PDE4B: variants seen among roughly 807,000 people sequenced by gnomAD.
PDE4B encodes the protein phosphodiesterase 4B.
In PDE4B, 20 loss-of-function variants were observed where a neutral mutation model predicts 82.2. The ratio of observed to expected loss-of-function variants is 0.24; its 90% confidence interval spans 0.17 to 0.35. PDE4B has a LOEUF of 0.35. PDE4B is among the 10% of genes least tolerant of loss of function. The probability of loss-of-function intolerance (pLI) is 1.00; values close to 1 mark genes in which losing one functional copy is unlikely to be tolerated. For synonymous variants in PDE4B, 320 were observed against 318.9 expected (o/e 1.00, Z -0.04); for missense variants, 655 against 907.2 (o/e 0.72, Z 3.57).
chr1:66,049,670 C>A (rs1211457778), intron 3 of PDE4B, among the ~76,000 whole-genome samples: 1 of 151,958 alleles, frequency 6.6e-6, no homozygotes, highest in African/African-American at 2.4e-5. Context: ...CCTAAATAAT[C>A]CTTCAAGAGA....
chr1:66,319,369 G>A (rs1209579348), intron 7 of PDE4B, among the ~76,000 whole-genome samples: 1 of 152,142 alleles, frequency 6.6e-6, no homozygotes, highest in East Asian at 1.9e-4. Context: ...AGATAAAATT[G>A]AGGGATAAAT....
rs1475990485 is a variant in PDE4B at position 65,918,619 on chromosome 1, G to A, written c.65G>A (p.Cys22Tyr). The stretch of plus-strand genomic sequence containing the variant: ...CAGAATGTTAAAGATTATTTTGAAT[G>A]TAGCTTGAGTAAATCCTACAGTTCT... ...ADDNVKDYFE[C>Y]SLSKSYSSSS... The change falls in exon 3 of 17, where the codon TGT becomes TAT. Residue 22 changes from cysteine to tyrosine, a missense_variant. By Grantham distance (194) the Cys-to-Tyr change is radical. Around this residue, in one of 3 missense-constraint regions of PDE4B, gnomAD observed 253 missense variants for 275.6 expected, o/e 0.92. Coordinates refer to ENST00000341517, the MANE Select transcript of PDE4B (RefSeq NM_002600.4). 4.4e-6 allele frequency: 7 copies of A among 1,604,308 alleles called. No individual in the cohort carries two copies. In the South Asian group the frequency reaches 7.7e-5, roughly 18 times the overall value.
At chr1:66,046,273 G>C (rs903536994) in intron 3 of PDE4B, 16 of 151,688 alleles carry the variant, frequency 1.1e-4, no homozygotes, top group African/African-American at 3.1e-4. Flanking sequence ...TGAAAATAAA[G>C]TAAAATTATT....
chr1:66,096,491 G>A (rs893092304), intron 3 of PDE4B, among the ~76,000 whole-genome samples: 1 of 50,542 alleles, frequency 2.0e-5, no homozygotes, highest in Non-Finnish European at 4.3e-5. Flanking sequence ...AATTAAATGC[G>A]GTATAAGTAA....
At chr1:65,930,714 C>T (rs908312643) in intron 3 of PDE4B, among the ~76,000 whole-genome samples, 1 of 152,206 alleles carries the variant, frequency 6.6e-6, no homozygotes. Flanking sequence ...TGACTATACC[C>T]CCATTGTATC....
chr1:66,131,638 T>TATATATATATA (rs1553149837), intron 3 of PDE4B, among the ~76,000 whole-genome samples: 1,381 of 120,056 alleles, frequency 0.012, 2 homozygotes, highest in Non-Finnish European at 0.016. Context: ...TATATATATA[T>TATATATATATA]TACTAACCAG....
chr1:65,960,458 A>G (rs1190743203), intron 3 of PDE4B, among the ~76,000 whole-genome samples: 1 of 152,106 alleles, frequency 6.6e-6, no homozygotes, highest in Non-Finnish European at 1.5e-5. Context: ...ATTCTTGGCC[A>G]AGGAATGTAT....
chr1:65,957,667 T>A (rs574150908), intron 3 of PDE4B, among the ~76,000 whole-genome samples: 1 of 152,256 alleles, frequency 6.6e-6, no homozygotes, highest in South Asian at 2.1e-4. Flanking sequence ...TTCCTATCTA[T>A]TAACATTCTG....
At chr1:66,101,028 G>C (rs148010133) in intron 3 of PDE4B, among the ~76,000 whole-genome samples, 1,918 of 152,094 alleles carry the variant, frequency 0.013, 47 homozygotes, top group African/African-American at 0.045. Context: ...TCCCCTTCCA[G>C]TGTCCAAGTG....
At position 66,045,149 on chromosome 1, in the gene PDE4B, T is replaced by C. The variant is rs138321288; in HGVS notation, c.281+126314T>C. The stretch of plus-strand genomic sequence containing the variant: ...CCAGGACTTATGACTGTTTACAAAC[T>C]GACCTTTTTCTCCTTTGACCCCTAT... On this transcript the variant is annotated intron_variant, in intron 3 of 16. Coordinates refer to ENST00000341517, the MANE Select transcript of PDE4B (RefSeq NM_002600.4). 3.5e-3 allele frequency among the ~76,000 whole-genome samples: 539 copies of C among 151,886 alleles called. 2 individuals are homozygous for C. Among genetic ancestry groups the C allele is most frequent in the Non-Finnish European group, 5.6e-3 (377 of 67,742 alleles).
At chr1:66,343,068 C>CA (rs982702110) in intron 8 of PDE4B, among the ~76,000 whole-genome samples, 3 of 148,212 alleles carry the variant, frequency 2.0e-5, no homozygotes, top group African/African-American at 5.0e-5. Context: ...CAAAAAACAA[C>CA]AACAAAAAAA....
In PDE4B at chr1:66,084,795, C is replaced by A. The variant is rs150074479; in HGVS notation, c.282-162665C>A. On this transcript the variant is annotated intron_variant, in intron 3 of 16. Coordinates refer to ENST00000341517, the MANE Select transcript of PDE4B (RefSeq NM_002600.4). ...GTTTTAGTAGAAATTTAGACTGTGGCTAGCACTACAGTGGAAGGGATTCTC... is the reference window on the plus strand; with the variant it reads ...GTTTTAGTAGAAATTTAGACTGTGGATAGCACTACAGTGGAAGGGATTCTC... Among the ~76,000 whole-genome samples the A allele has an allele frequency of 8.3e-4, 126 of 152,224 alleles. 1 individual carries two copies. Among genetic ancestry groups the A allele is most frequent in the Admixed American group, 6.0e-3 (92 of 15,278 alleles).
chr1:66,280,964 A>G (rs1656262927), intron 7 of PDE4B, among the ~76,000 whole-genome samples: 1 of 152,206 alleles, frequency 6.6e-6, no homozygotes, highest in South Asian at 2.1e-4. Context: ...ACCAGGGTGT[A>G]CATAGCTTTA....
At chr1:66,293,243 G>A (rs543737361) in intron 7 of PDE4B, among the ~76,000 whole-genome samples, 9 of 152,234 alleles carry the variant, frequency 5.9e-5, no homozygotes, top group Middle Eastern at 3.4e-3. Context: ...GTCTCCTCAC[G>A]TGCAGCAGTC....
At chr1:66,004,622 T>C (rs1296378860) in intron 3 of PDE4B, among the ~76,000 whole-genome samples, 1 of 151,892 alleles carries the variant, frequency 6.6e-6, no homozygotes, top group Non-Finnish European at 1.5e-5. Flanking sequence ...TGAAGCACTG[T>C]TTTTTTTAAG....
intron 3 of PDE4B, among the ~76,000 whole-genome samples, chr1:66,085,055 A>C (rs892771600): frequency 6.6e-6 from 1 of 152,154 alleles, no homozygotes; most frequent in African/African-American, 2.4e-5. Flanking sequence ...GGGGCTGGAA[A>C]TATACCTATG....
chr1:66,140,819 A>G (rs1290775554), intron 3 of PDE4B, among the ~76,000 whole-genome samples: 1 of 152,208 alleles, frequency 6.6e-6, no homozygotes, highest in Non-Finnish European at 1.5e-5. Flanking sequence ...AGATTGCTCT[A>G]CTACTTGGAA....
intron 3 of PDE4B, among the ~76,000 whole-genome samples, chr1:66,055,210 A>G (rs533966147): frequency 6.6e-6 from 1 of 152,316 alleles, no homozygotes; most frequent in South Asian, 2.1e-4. Context: ...CTTTGAAGGC[A>G]GTGTTCTTAA....
chr1:66,306,318 C>T (rs1398036107), intron 7 of PDE4B, among the ~76,000 whole-genome samples: 1 of 152,024 alleles, frequency 6.6e-6, no homozygotes, highest in African/African-American at 2.4e-5. Flanking sequence ...AAAAGGGTCA[C>T]AAATGAAGAA....
Sources: gnomAD v4.1 joint callset for allele counts (sites outside exome capture counted in the v4.1 genomes callset) on GRCh38, gnomAD v4.1.1 for gene constraint, gnomAD v4.1.1 regional missense constraint, MANE v1.5 for transcripts, NCBI Gene and HGNC (gene_info 2026-07-23, HGNC 2026-07-21) for gene names.